URB1: variants seen among roughly 807,000 people sequenced by gnomAD.
The protein encoded by URB1 is nucleolar pre-ribosomal-associated protein 1.
A neutral mutation model predicts 242.3 loss-of-function variants in URB1; 197 were observed. The ratio of observed to expected loss-of-function variants is 0.81; its 90% confidence interval spans 0.72 to 0.91. The LOEUF is 0.91. Among genes scored for constraint, URB1 ranks in the 40% least tolerant of loss-of-function variants. The pLI, the probability that URB1 is intolerant of heterozygous loss-of-function variation, is 0.00. For missense variants in URB1, 2,721 were observed against 2,860.5 expected (o/e 0.95, Z 1.11); for synonymous variants, 1,153 against 1,201.8 (o/e 0.96, Z 0.84).
chr21:32,368,625 G>C (rs1309338880), intron 8 of URB1, 27 bp from the exon 9 acceptor site: 1 of 1,531,728 alleles, frequency 6.5e-7, no homozygotes, highest in South Asian at 1.2e-5. Flanking sequence ...CATGGGGAGA[G>C]GTCAGCAGAA....
chr21:32,371,503 TGAAAGAAAAAA>T (rs1216439548), intron 8 of URB1, among the ~76,000 whole-genome samples: 2 of 152,078 alleles, frequency 1.3e-5, no homozygotes, highest in East Asian at 1.9e-4. Flanking sequence ...TTCTTACTGA[TGAAAGAAAAAA>T]GAAATGATGT....
chr21:32,317,669 C>T lies in URB1; in HGVS notation c.6034+7G>A. On this transcript the variant is annotated splice_region_variant and intron_variant, in intron 37 of 38. Coordinates refer to ENST00000382751, the MANE Select transcript of URB1 (RefSeq NM_014825.3). Reference sequence around the variant, plus strand: ...ACTCTGGGCCAGTCCTGGGTTCTGACACTCACTCATGAGCTCCCGGGCTTG... The same window carrying T: ...ACTCTGGGCCAGTCCTGGGTTCTGATACTCACTCATGAGCTCCCGGGCTTG... 3 of 1,551,500 alleles carry T rather than the reference C, an allele frequency of 1.9e-6. No homozygotes were observed. Among genetic ancestry groups the T allele is most frequent in the Non-Finnish European group, 2.6e-6 (3 of 1,146,844 alleles).
intron 28 of URB1, among the ~76,000 whole-genome samples, chr21:32,336,212 TTTTC>T (rs917607444): frequency 7.9e-5 from 12 of 152,190 alleles, no homozygotes; most frequent in Non-Finnish European, 1.5e-4. Flanking sequence ...TTCATTTCCT[TTTTC>T]TTTCTTTTTT....
In URB1 at chr21:32,320,514, A is replaced by G. The variant is rs373156080; in HGVS notation, c.5594+17T>C. On this transcript the variant is annotated intron_variant, in intron 35 of 38. Transcript: ENST00000382751. ...CCTTCCCACCTGACGCGCACCTCGC[A>G]TGCAAAAGGTACTTACTTGCTTTCA... The G allele has an allele frequency of 1.8e-5, 27 of 1,523,180 alleles. No homozygotes were observed. The highest frequency in any genetic ancestry group is 1.4e-4 in the Admixed American group (7 of 50,270). 94.4% of individuals were successfully genotyped at this position (1,523,180 alleles called of 1,614,324 possible).
chr21:32,317,411 A>C (rs547376094), intron 37 of URB1, among the ~76,000 whole-genome samples: 2 of 152,298 alleles, frequency 1.3e-5, no homozygotes, highest in East Asian at 3.9e-4. Flanking sequence ...AGTAGCTCAT[A>C]GCTACCCCCA....
chr21:32,354,781 C>T, intron 17 of URB1, 78 bp downstream of exon 17: 3 of 1,499,836 alleles, frequency 2.0e-6, no homozygotes. Context: ...TAGTGCAGTT[C>T]TTGTTCTCAA....
At position 32,333,414 on chromosome 21, in the gene URB1, T is replaced by A. The variant is rs1056962227; in HGVS notation, c.4863A>T (p.Thr1621=). The A allele has an allele frequency of 2.6e-6, 4 of 1,551,366 alleles. No homozygotes were observed. Among genetic ancestry groups the A allele is most frequent in the Non-Finnish European group, 3.5e-6 (4 of 1,146,766 alleles). Residue 1621 remains threonine (T), a synonymous_variant, in exon 30 of 39, where the codon ACA becomes ACT. Transcript: ENST00000382751. The stretch of plus-strand genomic sequence containing the variant: ...TTTTGTCTTTGAATATCAGCTCCTG[T>A]GTGTCCTGAAAGAGCCAAAATCAAC... ...QNRRLLPPED[T]QELIFKDKSR... is the part of the protein sequence containing the mutation.
At chr21:32,373,407 G>C (rs1368995931) in intron 7 of URB1, among the ~76,000 whole-genome samples, 1 of 151,886 alleles carries the variant, frequency 6.6e-6, no homozygotes, top group Non-Finnish European at 1.5e-5. Context: ...ATATGGCTCA[G>C]CCCAAGGAAA....
chr21:32,316,845 G>C lies in URB1; in HGVS notation c.6255C>G (p.Pro2085=). Residue 2085 remains proline (P), a synonymous_variant, in exon 38 of 39, where the codon CCC becomes CCG. Transcript: ENST00000382751. Reference sequence around the variant, plus strand: ...ATACGGGGCCTGGCGCATCGCTCTCGGGGCTGGCTGAGTCCACAGGCTCCT... The same window carrying C: ...ATACGGGGCCTGGCGCATCGCTCTCCGGGCTGGCTGAGTCCACAGGCTCCT... ...PTQEPVDSAS[P]ESDAPGPVYA... is the part of the protein sequence containing the mutation. 6.5e-7 allele frequency: 1 copy of C among 1,548,646 alleles called. No individual in the cohort carries two copies. Among genetic ancestry groups the C allele is most frequent in the East Asian group, 2.4e-5 (1 of 40,848 alleles).
rs73901399 is a variant in URB1, at chr21:32,326,323, A to C, written c.4961-934T>G. On this transcript the variant is annotated intron_variant, in intron 30 of 38. Transcript: ENST00000382751. ...GGGAACCAAACACAAGCCAACTGAA[A>C]TGACTACTCCAAATGAGTAATCATG... Among the ~76,000 whole-genome samples the C allele has an allele frequency of 6.2e-3, 945 of 152,370 alleles. 10 individuals carry two copies. The highest frequency in any genetic ancestry group is 0.017 in the African/African-American group (719 of 41,594).
At chr21:32,343,161 G>A (rs977901722) in intron 24 of URB1, among the ~76,000 whole-genome samples, 8 of 151,930 alleles carry the variant, frequency 5.3e-5, no homozygotes, top group Non-Finnish European at 1.2e-4. Context: ...AACTTATAAT[G>A]AGATAGACTC....
At position 32,384,328 on chromosome 21, in the gene URB1, T is replaced by C; in HGVS notation, c.419A>G (p.Tyr140Cys). Residue 140 changes from tyrosine to cysteine, a missense_variant, in exon 3 of 39, where the codon TAT (tyrosine) becomes TGT (cysteine). Physicochemically the swap from Tyr to Cys is radical, Grantham distance 194 (BLOSUM62 -2). Transcript: ENST00000382751. Reference protein sequence around the residue: ...NHMKLICESLYASGYRLARAC... With the variant: ...NHMKLICESLCASGYRLARAC... ...GACTGCCTACCTGTAACCTGAGGCATACAGGGACTCACAGATGAGCTTCAT... is the reference window on the plus strand; with the variant it reads ...GACTGCCTACCTGTAACCTGAGGCACACAGGGACTCACAGATGAGCTTCAT... 6.4e-7 allele frequency: 1 copy of C among 1,552,190 alleles called. No individual in the cohort carries two copies. Among genetic ancestry groups the C allele is most frequent in the South Asian group, 1.2e-5 (1 of 84,062 alleles).
At chr21:32,315,430 C>T (rs2032667641) in intron 38 of URB1, among the ~76,000 whole-genome samples, 1 of 152,054 alleles carries the variant, frequency 6.6e-6, no homozygotes, top group South Asian at 2.1e-4. Context: ...CCTCCCACCT[C>T]AGCCTCCAGA....
rs1443908445 is a variant in URB1, at chr21:32,312,591, G to A, written c.*2327C>T. On this transcript the variant is annotated 3_prime_UTR_variant, in exon 39 of 39. Transcript: ENST00000382751. ...CAACGCCTGTCAGCAGCCAGGCCGG[G>A]TAAGCAGGATCTATGCCCAAATGCT... 1 of 164,532 alleles carries A rather than the reference G, an allele frequency of 6.1e-6. No individual in the cohort carries two copies. The highest frequency in any genetic ancestry group is 2.4e-5 in the African/African-American group (1 of 41,726). 10.2% of individuals were successfully genotyped at this position (164,532 alleles called of 1,614,324 possible). A position where few individuals can be genotyped will look rare whatever the true frequency, so the allele number is the denominator to read the frequency against.
Position 32,345,387 on chromosome 21 carries a change from T to A in URB1, c.4057A>T (p.Ser1353Cys). The change falls in exon 23 of 39, where the codon AGC becomes TGC. Residue 1353 changes from serine (S) to cysteine (C), a missense_variant. By Grantham distance (112) the Ser-to-Cys change is moderately radical. Transcript: ENST00000382751. ...GAGCCTTCATACCTCTTGTGACTGC[T>A]TGGGGTGTGAAGCAAGCTGGGCAGG... ...DRLPSLLHTP[S>C]SHKRWIVADS... 6.4e-7 allele frequency: 1 copy of A among 1,550,780 alleles called. No homozygotes were observed. Among genetic ancestry groups the A allele is most frequent in the Non-Finnish European group, 8.7e-7 (1 of 1,146,858 alleles).
Position 32,383,709 on chromosome 21 carries a change from GA to G in URB1, c.435-156del, listed in dbSNP as rs374270577. Among the ~76,000 whole-genome samples, 79 of 141,436 alleles carry G rather than the reference GA, an allele frequency of 5.6e-4. No individual in the cohort carries two copies. In the East Asian group the frequency reaches 0.012, roughly 22 times the overall value. The allele number at this position is 141,436 out of a possible 152,430, so 92.8% of individuals were successfully genotyped here. A position where few individuals can be genotyped will look rare whatever the true frequency, so the allele number is the denominator to read the frequency against. ...GACATGCTCTTTTTTTAAGGAAAAA[GA>G]AAAAAAAAAGCATAAAGATTCAAAA... is the stretch of plus-strand genomic sequence containing the variant. On this transcript the variant is annotated intron_variant, in intron 3 of 38. Transcript: ENST00000382751.
At chr21:32,384,001 G>A (rs1222174563) in intron 3 of URB1, among the ~76,000 whole-genome samples, 1 of 152,188 alleles carries the variant, frequency 6.6e-6, no homozygotes, top group Non-Finnish European at 1.5e-5. Flanking sequence ...CTGGGAAGGT[G>A]GCATTTTATA....
chr21:32,358,580 G>C (rs1295821743), intron 14 of URB1, among the ~76,000 whole-genome samples: 1 of 152,188 alleles, frequency 6.6e-6, no homozygotes, highest in Non-Finnish European at 1.5e-5. Context: ...CCTGAAAATG[G>C]TGAGGTGCTG....
In URB1 at chr21:32,335,813, ATT is replaced by A. The variant is rs1247586119; in HGVS notation, c.4685+1279_4685+1280del. Among the ~76,000 whole-genome samples the A allele has an allele frequency of 3.9e-5, 6 of 152,238 alleles. No individual in the cohort carries two copies. In the South Asian group the frequency reaches 1.0e-3, roughly 26 times the overall value. ...TCCCTCATCTAAGGACGAGATGTTT[ATT>A]TTGTTTGCGGAAATGCTCTGTGCCC... On this transcript the variant is annotated intron_variant, in intron 28 of 38. Coordinates refer to ENST00000382751, the MANE Select transcript of URB1 (RefSeq NM_014825.3).
Sources: allele counts gnomAD v4.1 joint callset (sites outside exome capture counted in the v4.1 genomes callset), GRCh38; gene constraint gnomAD v4.1.1; transcripts MANE v1.5; gene names NCBI Gene and HGNC (gene_info 2026-07-23, HGNC 2026-07-21).